Variants in CDKAL1 observed in about 807,000 individuals in gnomAD.
CDKAL1 encodes the protein threonylcarbamoyladenosine tRNA methylthiotransferase.
Under a neutral mutation model 68.2 loss-of-function variants are expected in CDKAL1, and 32 were observed. The ratio of observed to expected loss-of-function variants is 0.47; its 90% confidence interval spans 0.35 to 0.63. The LOEUF is 0.63. CDKAL1 is among the 30% of genes least tolerant of loss of function. The probability of loss-of-function intolerance (pLI) is 0.00; values close to 1 mark genes in which losing one functional copy is unlikely to be tolerated. For missense variants in CDKAL1, 606 were observed against 696.7 expected (o/e 0.87, Z 1.47); for synonymous variants, 234 against 244.3 (o/e 0.96, Z 0.39).
At chr6:21,193,261 C>T (rs1451829197) in intron 13 of CDKAL1, among the ~76,000 whole-genome samples, 2 of 152,016 alleles carry the variant, frequency 1.3e-5, no homozygotes, top group East Asian at 3.9e-4. Flanking sequence ...AAGAAGGTAG[C>T]TGTAATTTGC....
intron 4 of CDKAL1, among the ~76,000 whole-genome samples, chr6:20,603,060 A>G (rs185780445): frequency 6.6e-6 from 1 of 152,304 alleles, no homozygotes; most frequent in Non-Finnish European, 1.5e-5. Context: ...TACTGTGAGC[A>G]AAGGTTTATT....
At chr6:20,603,041 CAAG>C (rs534773094) in intron 4 of CDKAL1, among the ~76,000 whole-genome samples, 142 of 152,102 alleles carry the variant, frequency 9.3e-4, no homozygotes, top group Non-Finnish European at 1.6e-3. Flanking sequence ...AGTTCGGAAA[CAAG>C]GAGGATACTG....
At chr6:21,123,311 C>G (rs1452043162) in intron 13 of CDKAL1, among the ~76,000 whole-genome samples, 1 of 151,916 alleles carries the variant, frequency 6.6e-6, no homozygotes, top group Non-Finnish European at 1.5e-5. Context: ...AAAAATTAGC[C>G]AGGTGTGGTG....
intron 5 of CDKAL1, among the ~76,000 whole-genome samples, chr6:20,730,843 CAAAAAAAAAA>C (rs34407999): frequency 8.6e-6 from 1 of 116,284 alleles, no homozygotes; most frequent in East Asian, 2.5e-4. Context: ...GACTCCGTCT[CAAAAAAAAAA>C]AAAAAAAAGA....
intron 8 of CDKAL1, among the ~76,000 whole-genome samples, chr6:20,807,257 G>A (rs1172875641): frequency 2.0e-5 from 3 of 151,114 alleles, no homozygotes; most frequent in Admixed American, 6.6e-5. Context: ...GAGTCTCGCT[G>A]TGTTGCCCCA....
At chr6:20,755,453 T>C (rs1581515897) in intron 6 of CDKAL1, among the ~76,000 whole-genome samples, 1 of 152,294 alleles carries the variant, frequency 6.6e-6, no homozygotes. Context: ...CCTTCATTTT[T>C]TTCTTTCTCC....
chr6:21,164,071 T>G (rs1235713659), intron 13 of CDKAL1, among the ~76,000 whole-genome samples: 1 of 152,030 alleles, frequency 6.6e-6, no homozygotes, highest in East Asian at 1.9e-4. Context: ...CTGCTCCTAA[T>G]TGTTGGTCTA....
chr6:20,655,091 A>G (rs1293496307), intron 5 of CDKAL1, among the ~76,000 whole-genome samples: 1 of 152,158 alleles, frequency 6.6e-6, no homozygotes, highest in Non-Finnish European at 1.5e-5. Flanking sequence ...CATCTTTTAG[A>G]CTTTTTTCTC....
chr6:20,593,971 C>T (rs9465824), intron 4 of CDKAL1, among the ~76,000 whole-genome samples: 2,825 of 142,064 alleles, frequency 0.02, 81 homozygotes, highest in African/African-American at 0.068. Context: ...TCAGTTTCCA[C>T]GTAGTTGTGT....
chr6:20,741,194 T>C (rs1334911766), intron 6 of CDKAL1, among the ~76,000 whole-genome samples: 1 of 152,026 alleles, frequency 6.6e-6, no homozygotes, highest in Non-Finnish European at 1.5e-5. Context: ...TATGAGTTTA[T>C]TTGCCAATGT....
chr6:21,017,557 C>A (rs1228377206), intron 11 of CDKAL1, among the ~76,000 whole-genome samples: 1 of 152,172 alleles, frequency 6.6e-6, no homozygotes, highest in Non-Finnish European at 1.5e-5. Context: ...ATACAGCCTG[C>A]TACTGGAAGT....
chr6:20,671,628 C>T (rs191221863), intron 5 of CDKAL1, among the ~76,000 whole-genome samples: 11 of 152,256 alleles, frequency 7.2e-5, no homozygotes, highest in Admixed American at 4.6e-4. Flanking sequence ...TTCTTATCTA[C>T]GGTGTGAAGT....
chr6:20,645,427 A>G (rs1308389387), intron 4 of CDKAL1, among the ~76,000 whole-genome samples: 2 of 152,132 alleles, frequency 1.3e-5, no homozygotes, highest in African/African-American at 4.8e-5. Flanking sequence ...TTAAGTGTTT[A>G]AAATTAAATT....
chr6:20,702,228 G>A (rs1479932321), intron 5 of CDKAL1, among the ~76,000 whole-genome samples: 8 of 152,142 alleles, frequency 5.3e-5, no homozygotes, highest in East Asian at 1.9e-4. Flanking sequence ...GCATACAGAC[G>A]GGCAGGTCGT....
chr6:20,603,149 C>T (rs534762177), intron 4 of CDKAL1, among the ~76,000 whole-genome samples: 3 of 152,274 alleles, frequency 2.0e-5, no homozygotes, highest in South Asian at 2.1e-4. Flanking sequence ...AAAGAATCAC[C>T]GTGCAGACCT....
chr6:20,772,942 T>C (rs775006017), intron 7 of CDKAL1: 3 of 152,210 alleles, frequency 2.0e-5, no homozygotes, highest in Non-Finnish European at 4.4e-5. Flanking sequence ...GCTCTCTACT[T>C]ATACTCTGAT....
chr6:21,156,196 G>A (rs563157383), intron 13 of CDKAL1, among the ~76,000 whole-genome samples: 69 of 152,054 alleles, frequency 4.5e-4, no homozygotes, highest in Non-Finnish European at 8.8e-4. Context: ...TGAGGCAGGT[G>A]GATCACTTGA....
intron 9 of CDKAL1, among the ~76,000 whole-genome samples, chr6:20,946,418 A>G (rs1291583990): frequency 6.6e-6 from 1 of 152,116 alleles, no homozygotes; most frequent in East Asian, 1.9e-4. Flanking sequence ...ACTATTCCCT[A>G]TCAAAAATAA....
rs116131870 is a variant in CDKAL1, at chr6:20,978,044, A to G, written c.910-22183A>G. Among the ~76,000 whole-genome samples, 570 of 152,334 alleles carry G rather than the reference A, an allele frequency of 3.7e-3. 6 individuals carry two copies. The highest frequency in any genetic ancestry group is 0.012 in the African/African-American group (517 of 41,568). On this transcript the variant is annotated intron_variant, in intron 10 of 15. Coordinates refer to ENST00000274695, the MANE Select transcript of CDKAL1 (RefSeq NM_017774.3). ...TGAATCTAAAATTTGATACTACTCAAATTTTGATATAGGGAATACTAAACT... is the reference window on the plus strand; with the variant it reads ...TGAATCTAAAATTTGATACTACTCAGATTTTGATATAGGGAATACTAAACT...
Sources: allele counts gnomAD v4.1 joint callset (sites outside exome capture counted in the v4.1 genomes callset), GRCh38; gene constraint gnomAD v4.1.1; transcripts MANE v1.5; gene names NCBI Gene and HGNC (gene_info 2026-07-23, HGNC 2026-07-21).